NLGN4X: variants seen among roughly 807,000 people sequenced by gnomAD.
The protein encoded by NLGN4X is neuroligin-4, X-linked.
NLGN4X carries 3 observed loss-of-function variants against 40.3 expected under a neutral mutation model. The observed-to-expected ratio is 0.07, with a 90% confidence interval of 0.03 to 0.19. The LOEUF (loss-of-function observed/expected upper bound fraction) is 0.19, where lower values mean the gene tolerates loss of function less well. NLGN4X is among the 10% of genes least tolerant of loss of function. The pLI is 1.00. For missense variants in NLGN4X, 382 were observed against 708.3 expected (o/e 0.54, Z 5.23); for synonymous variants, 270 against 306.8 (o/e 0.88, Z 1.25).
intron 2 of NLGN4X, among the ~76,000 whole-genome samples, chrX:6,047,822 G>A (rs949824711): frequency 1.8e-5 from 2 of 111,753 alleles, no homozygotes; most frequent in African/African-American, 6.5e-5. Flanking sequence ...TGGTGAGGAC[G>A]TGCACCACTC....
chrX:5,899,966 G>A (rs543256421), intron 5 of NLGN4X, among the ~76,000 whole-genome samples: 5 of 112,151 alleles, frequency 4.5e-5, no homozygotes, highest in South Asian at 3.7e-4. Flanking sequence ...TCGGTAATAC[G>A]TTTGGATGCC....
At chrX:6,121,826 G>T (rs1489259784) in intron 2 of NLGN4X, among the ~76,000 whole-genome samples, 1 of 112,752 alleles carries the variant, frequency 8.9e-6, no homozygotes, top group Non-Finnish European at 1.9e-5. Flanking sequence ...ACAGTCAGGG[G>T]AGATAGAGCT....
intron 2 of NLGN4X, among the ~76,000 whole-genome samples, chrX:6,044,163 G>C (rs1352795073): frequency 3.1e-5 from 3 of 95,668 alleles, no homozygotes; most frequent in African/African-American, 1.1e-4. Context: ...TGTGCCTGTA[G>C]TCCCAGCTGC....
chrX:6,001,214 G>T (rs931440463), intron 3 of NLGN4X, among the ~76,000 whole-genome samples: 44 of 111,573 alleles, frequency 3.9e-4, no homozygotes, highest in African/African-American at 1.4e-3. Flanking sequence ...TACAGTTCAA[G>T]ATGACATTTG....
In NLGN4X at chrX:5,891,368, T is replaced by A. The variant is rs752678419; in HGVS notation, c.*1449A>T. 3 of 219,896 alleles carry A rather than the reference T, an allele frequency of 1.4e-5. No homozygotes were observed. Among genetic ancestry groups the A allele is most frequent in the Non-Finnish European group, 2.5e-5 (3 of 121,323 alleles). 18.1% of individuals were successfully genotyped at this position (219,896 alleles called of 1,213,427 possible). Reference sequence around the variant, plus strand: ...GGATACACAAATCCACAAAAAGTGATGTTTTCAGACAATCATATGTTTGAT... The same window carrying A: ...GGATACACAAATCCACAAAAAGTGAAGTTTTCAGACAATCATATGTTTGAT... On this transcript the variant is annotated 3_prime_UTR_variant, in exon 6 of 6. Transcript: ENST00000381095.
At chrX:6,045,636 T>C (rs951788422) in intron 2 of NLGN4X, among the ~76,000 whole-genome samples, 2 of 111,659 alleles carry the variant, frequency 1.8e-5, no homozygotes, top group Non-Finnish European at 3.8e-5. Flanking sequence ...AAAAAAGCTA[T>C]TTGAAAGATG....
intron 1 of NLGN4X, among the ~76,000 whole-genome samples, chrX:6,196,551 CAAAAAAAAAAAAAAAA>C (rs374097705): frequency 8.6e-5 from 2 of 23,323 alleles, no homozygotes; most frequent in Non-Finnish European, 1.7e-4. Context: ...GACTCTGTCT[CAAAAAAAAAAAAAAAA>C]AAAAAAAAAA....
chrX:5,940,611 ACT>A (rs1491554259), intron 3 of NLGN4X, among the ~76,000 whole-genome samples: 2 of 105,967 alleles, frequency 1.9e-5, no homozygotes, highest in East Asian at 5.9e-4. Flanking sequence ...AAAAAAAAAA[ACT>A]TTTTTTTTTT....
chrX:6,065,567 G>A (rs2037890979), intron 2 of NLGN4X, among the ~76,000 whole-genome samples: 1 of 111,205 alleles, frequency 9.0e-6, no homozygotes, highest in Admixed American at 9.6e-5. Context: ...AATGTTTAAG[G>A]GGAGAAGGTG....
intron 2 of NLGN4X, among the ~76,000 whole-genome samples, chrX:6,141,198 T>G (rs753955736): frequency 9.0e-6 from 1 of 111,349 alleles, no homozygotes; most frequent in Non-Finnish European, 1.9e-5. Flanking sequence ...TGCTTAAACA[T>G]AAAGACAAAA....
intron 2 of NLGN4X, among the ~76,000 whole-genome samples, chrX:6,079,533 T>G (rs763741645): frequency 8.9e-6 from 1 of 112,231 alleles, no homozygotes; most frequent in South Asian, 3.7e-4. Flanking sequence ...TTTTATATGC[T>G]TGAGCCTGTC....
intron 2 of NLGN4X, among the ~76,000 whole-genome samples, chrX:6,093,777 C>A (rs1245204215): frequency 9.0e-6 from 1 of 111,328 alleles, no homozygotes; most frequent in Non-Finnish European, 1.9e-5. Flanking sequence ...TATTGGATAT[C>A]TATTGTAAAA....
intron 2 of NLGN4X, among the ~76,000 whole-genome samples, chrX:6,114,463 G>T (rs1464949127): frequency 9.3e-6 from 1 of 107,561 alleles, no homozygotes; most frequent in Non-Finnish European, 1.9e-5. Flanking sequence ...TAATTTAATG[G>T]AAAGTTCTTA....
intron 3 of NLGN4X, among the ~76,000 whole-genome samples, chrX:5,990,863 A>G (rs145920475): frequency 0.071 from 7,950 of 111,668 alleles, 697 homozygotes; most frequent in African/African-American, 0.24. Flanking sequence ...GCCAGGTAAT[A>G]CGGCCCCACA....
intron 2 of NLGN4X, among the ~76,000 whole-genome samples, chrX:6,088,817 A>G (rs1335240910): frequency 2.7e-5 from 3 of 112,004 alleles, no homozygotes; most frequent in African/African-American, 9.7e-5. Flanking sequence ...ATGAATATAC[A>G]TTCCTTTCTC....
At chrX:6,147,455 T>C (rs748342907) in intron 2 of NLGN4X, among the ~76,000 whole-genome samples, 4 of 112,484 alleles carry the variant, frequency 3.6e-5, no homozygotes, top group Non-Finnish European at 7.5e-5. Flanking sequence ...CCATAACTCA[T>C]CTTTCTGTGT....
At chrX:6,187,768 G>A (rs1452295841) in intron 1 of NLGN4X, 1 of 111,905 alleles carries the variant, frequency 8.9e-6, no homozygotes, top group Non-Finnish European at 1.9e-5. Flanking sequence ...CCACCTTGTA[G>A]GATTTTGGAG....
At chrX:6,127,682 T>C (rs112760310) in intron 2 of NLGN4X, among the ~76,000 whole-genome samples, 62 of 112,069 alleles carry the variant, frequency 5.5e-4, no homozygotes, top group African/African-American at 2.0e-3. Flanking sequence ...AAAAATAACA[T>C]GAGATTCCCA....
chrX:5,964,221 T>C (rs1355426056), intron 3 of NLGN4X, among the ~76,000 whole-genome samples: 1 of 111,849 alleles, frequency 8.9e-6, no homozygotes, highest in Non-Finnish European at 1.9e-5. Flanking sequence ...AGAATTCTCC[T>C]CCTAAGATAA....
Sources: allele counts gnomAD v4.1 joint callset (sites outside exome capture counted in the v4.1 genomes callset), GRCh38; gene constraint gnomAD v4.1.1; transcripts MANE v1.5; gene names NCBI Gene and HGNC (gene_info 2026-07-23, HGNC 2026-07-21).